The following HECW1 variants were observed in gnomAD, a reference collection of about 807,000 sequenced individuals.
The protein encoded by HECW1 is HECT, C2 and WW domain containing E3 ubiquitin protein ligase 1.
A neutral mutation model predicts 182.3 loss-of-function variants in HECW1; 61 were observed. The ratio of observed to expected loss-of-function variants is 0.33; its 90% CI spans 0.27 to 0.41. The LOEUF is 0.41. Ranked by LOEUF, HECW1 falls within the 10% of genes least tolerant of loss-of-function variation. HECW1 has a pLI of 1.00. For synonymous variants in HECW1, 859 were observed against 832.6 expected (o/e 1.03, Z -0.55); for missense variants, 1,739 against 2,108.9 (o/e 0.82, Z 3.44).
chr7:43,240,250 A>AT (rs1185745416), intron 2 of HECW1, among the ~76,000 whole-genome samples: 1 of 152,180 alleles, frequency 6.6e-6, no homozygotes, highest in Non-Finnish European at 1.5e-5. Context: ...AGGCAGGAGA[A>AT]TGGCGTGAAC....
chr7:43,148,003 A>G (rs562570414), intron 2 of HECW1, among the ~76,000 whole-genome samples: 27 of 152,336 alleles, frequency 1.8e-4, no homozygotes, highest in Admixed American at 1.2e-3. Context: ...GCATAATAAT[A>G]TTTATAACAG....
intron 21 of HECW1, 42 bp from the exon 22 acceptor site, chr7:43,507,095 A>G (rs765198952): frequency 5.0e-6 from 8 of 1,585,036 alleles, no homozygotes; most frequent in Admixed American, 3.7e-5. Flanking sequence ...AAGAAGAAGA[A>G]GAAGAAAGAA....
chr7:43,355,576 C>T (rs1373820791), intron 5 of HECW1, among the ~76,000 whole-genome samples: 1 of 150,382 alleles, frequency 6.6e-6, no homozygotes, highest in South Asian at 2.1e-4. Flanking sequence ...CTCATGGCAA[C>T]CAAAATGCAA....
intron 25 of HECW1, 38 bp downstream of exon 25, chr7:43,541,299 GT>G: frequency 2.0e-6 from 3 of 1,514,396 alleles, no homozygotes; most frequent in Non-Finnish European, 2.8e-6. Context: ...ACCCAGCCCT[GT>G]CTGCAGGGCA....
In HECW1 at chr7:43,508,424, T is replaced by C. The variant is rs963934980; in HGVS notation, c.3866+293T>C. On this transcript the variant is annotated intron_variant, in intron 23 of 29. Coordinates refer to ENST00000395891, the MANE Select transcript of HECW1 (RefSeq NM_015052.5). ...TGGTGTACCCCTCTGAGTATCTAAT[T>C]TAAAAAACTCTTTCTCTTAAAGTGC... is the stretch of plus-strand genomic sequence containing the variant. Among the ~76,000 whole-genome samples the C allele has an allele frequency of 3.3e-5, 5 of 152,180 alleles. No individual in the cohort carries two copies. The East Asian group carries it at 7.7e-4, about 23-fold the overall frequency.
intron 24 of HECW1, among the ~76,000 whole-genome samples, chr7:43,530,533 A>ATGGATGGT (rs2080942490): frequency 6.6e-6 from 1 of 151,966 alleles, no homozygotes; most frequent in Non-Finnish European, 1.5e-5. Context: ...GGATGGATGG[A>ATGGATGGT]TGGAAAGACA....
intron 2 of HECW1, among the ~76,000 whole-genome samples, chr7:43,126,780 A>G (rs949795007): frequency 2.7e-4 from 41 of 152,126 alleles, no homozygotes; most frequent in African/African-American, 9.4e-4. Flanking sequence ...CTTCTTTATT[A>G]TGATATCTGT....
chr7:43,416,448 C>G (rs2076000771), intron 8 of HECW1, among the ~76,000 whole-genome samples: 1 of 151,532 alleles, frequency 6.6e-6, no homozygotes, highest in Non-Finnish European at 1.5e-5. Context: ...CAGACAGGGA[C>G]ATTTAAGTCT....
In HECW1 at chr7:43,333,809, G is replaced by A. The variant is rs140788575; in HGVS notation, c.460+13067G>A. 2.2e-4 allele frequency among the ~76,000 whole-genome samples: 34 copies of A among 152,248 alleles called. No individual in the cohort carries two copies. In the East Asian group the frequency reaches 6.4e-3, roughly 29 times the overall value. Reference sequence around the variant, plus strand: ...CCAGATGGTCTCTGGGTCAGCCACAGGGAGATAACAGAGTCAACTGACCTA... The same window carrying A: ...CCAGATGGTCTCTGGGTCAGCCACAAGGAGATAACAGAGTCAACTGACCTA... On this transcript the variant is annotated intron_variant, in intron 5 of 29. Coordinates refer to ENST00000395891, the MANE Select transcript of HECW1 (RefSeq NM_015052.5).
intron 4 of HECW1, among the ~76,000 whole-genome samples, chr7:43,312,556 C>A (rs1390422752): frequency 6.6e-6 from 1 of 152,210 alleles, no homozygotes; most frequent in Non-Finnish European, 1.5e-5. Context: ...TACTCACAGG[C>A]ATACAGGCAT....
chr7:43,185,242 T>C (rs1793279612), intron 2 of HECW1, among the ~76,000 whole-genome samples: 1 of 152,078 alleles, frequency 6.6e-6, no homozygotes, highest in Admixed American at 6.5e-5. Context: ...GAAAGTCCAC[T>C]CCCCATGCCC....
In HECW1 at chr7:43,451,059, A is replaced by G. The variant is rs3735074; in HGVS notation, c.2500+130A>G. The stretch of plus-strand genomic sequence containing the variant: ...CCTTACAGTGTTAACAAAGACCAAT[A>G]TGACACCTGCTCTAAAAACTGGTGG... On this transcript the variant is annotated intron_variant, in intron 12 of 29. Transcript: ENST00000395891. 4.6e-4 allele frequency: 294 copies of G among 642,792 alleles called. 6 individuals are homozygous for G. The East Asian group carries it at 6.7e-3, about 15-fold the overall frequency. The allele number at this position is 642,792 out of a possible 1,614,324, so 39.8% of individuals were successfully genotyped here.
Position 43,311,808 on chromosome 7 carries a change from C to T in HECW1, c.73C>T (p.Pro25Ser), listed in dbSNP as rs1311287472. The T allele has an allele frequency of 1.2e-6, 2 of 1,614,160 alleles. No individual in the cohort carries two copies. The highest frequency in any genetic ancestry group is 1.7e-6 in the Non-Finnish European group (2 of 1,179,992). Residue 25 changes from proline to serine, a missense_variant, in exon 4 of 30, where the codon CCT (proline) becomes TCT (serine). Physicochemically the swap from Pro to Ser is moderately conservative, Grantham distance 74 (BLOSUM62 -1). Coordinates refer to ENST00000395891, the MANE Select transcript of HECW1 (RefSeq NM_015052.5). ...RFLGLAAMASPSRNSQSRRRC... is the reference protein window; with the variant it reads ...RFLGLAAMASSSRNSQSRRRC... ...TTTAGGCCTGGCCGCCATGGCGTCT[C>T]CTTCTAGAAACTCCCAGAGCCGACG... is the stretch of plus-strand genomic sequence containing the variant.
intron 3 of HECW1, among the ~76,000 whole-genome samples, chr7:43,291,784 C>T (rs2152755749): frequency 6.6e-6 from 1 of 152,308 alleles, no homozygotes; most frequent in Non-Finnish European, 1.5e-5. Flanking sequence ...TATATCTCAT[C>T]TGTTCATGGG....
intron 3 of HECW1, among the ~76,000 whole-genome samples, chr7:43,298,206 A>G (rs1229138142): frequency 9.2e-5 from 14 of 152,228 alleles, no homozygotes; most frequent in Admixed American, 9.2e-4. Context: ...CTCTCCCTGC[A>G]GTGGTGCTTT....
intron 14 of HECW1, 27 bp from the exon 15 acceptor site, chr7:43,466,420 C>T: frequency 6.2e-7 from 1 of 1,611,354 alleles, no homozygotes; most frequent in Non-Finnish European, 8.5e-7. Context: ...CCAATGCATT[C>T]TGTTGCTTTG....
intron 24 of HECW1, among the ~76,000 whole-genome samples, chr7:43,537,203 C>G (rs757288908): frequency 2.0e-5 from 3 of 152,172 alleles, no homozygotes; most frequent in Non-Finnish European, 4.4e-5. Flanking sequence ...CCCTGGGGCC[C>G]GGTATTTAAG....
At chr7:43,356,369 A>G (rs1361218574) in intron 5 of HECW1, among the ~76,000 whole-genome samples, 1 of 152,210 alleles carries the variant, frequency 6.6e-6, no homozygotes, top group Admixed American at 6.5e-5. Flanking sequence ...AAATCTATGC[A>G]TATCTATGCA....
chr7:43,496,219 A>C (rs890143359), intron 19 of HECW1, among the ~76,000 whole-genome samples: 2 of 150,886 alleles, frequency 1.3e-5, no homozygotes, highest in Non-Finnish European at 2.9e-5. Flanking sequence ...CTAATAACCT[A>C]TTTTAAGGTT....
Sources: allele counts gnomAD v4.1 joint callset (sites outside exome capture counted in the v4.1 genomes callset), GRCh38; gene constraint gnomAD v4.1.1; transcripts MANE v1.5; gene names NCBI Gene and HGNC (gene_info 2026-07-23, HGNC 2026-07-21).